The following TSC22D1 variants were observed in gnomAD, a reference collection of about 807,000 sequenced individuals.
TSC22D1 encodes TSC22 domain family protein 1.
A neutral mutation model predicts 74.2 loss-of-function variants in TSC22D1; 9 were observed. That is an observed-to-expected ratio of 0.12 (90% CI 0.07 to 0.21). TSC22D1 has a LOEUF of 0.21. TSC22D1 is among the 10% of genes least tolerant of loss of function. The pLI, the probability that TSC22D1 is intolerant of heterozygous loss-of-function variation, is 1.00. For missense variants in TSC22D1, 1,427 were observed against 1,304.7 expected (o/e 1.09, Z -1.44); for synonymous variants, 586 against 492.5 (o/e 1.19, Z -2.51).
At chr13:44,504,809 T>A (rs1879373372) in intron 1 of TSC22D1, among the ~76,000 whole-genome samples, 1 of 152,178 alleles carries the variant, frequency 6.6e-6, no homozygotes, top group African/African-American at 2.4e-5. Flanking sequence ...CAAATTTTAA[T>A]CCTGGACATC....
At chr13:44,503,733 G>A (rs914526300) in intron 1 of TSC22D1, among the ~76,000 whole-genome samples, 1 of 152,158 alleles carries the variant, frequency 6.6e-6, no homozygotes, top group East Asian at 1.9e-4. Flanking sequence ...AAGTTGATGA[G>A]TAGGTCATTT....
At chr13:44,440,792 G>T (rs1245045955) in intron 1 of TSC22D1, among the ~76,000 whole-genome samples, 1 of 151,976 alleles carries the variant, frequency 6.6e-6, no homozygotes. Flanking sequence ...AAATGAAAAA[G>T]CCCTCCACCA....
chr13:44,527,977 C>A (rs1056125047), intron 1 of TSC22D1, among the ~76,000 whole-genome samples: 1 of 151,960 alleles, frequency 6.6e-6, no homozygotes, highest in African/African-American at 2.4e-5. Context: ...GATAAAGGGG[C>A]CAATACTCCA....
At chr13:44,444,304 A>AAAAG (rs1875451465) in intron 1 of TSC22D1, among the ~76,000 whole-genome samples, 4 of 140,930 alleles carry the variant, frequency 2.8e-5, no homozygotes, top group African/African-American at 8.0e-5. Flanking sequence ...AAAAAAAAAA[A>AAAAG]AAAAGAAAAG....
chr13:44,511,540 T>C (rs1434954327), intron 1 of TSC22D1, among the ~76,000 whole-genome samples: 2 of 151,982 alleles, frequency 1.3e-5, no homozygotes, highest in Non-Finnish European at 1.5e-5. Context: ...ATATAACTAA[T>C]TGACATATAG....
Position 44,574,554 on chromosome 13 carries a change from CTGTTGT to C in TSC22D1, c.1515_1520del (p.Gln508_Gln509del), listed in dbSNP as rs541782956. On this transcript the variant is annotated inframe_deletion, in exon 1 of 3. Coordinates refer to ENST00000458659, the MANE Select transcript of TSC22D1 (RefSeq NM_183422.4). ...TCACACCTTGGAGAGCTGGTTGTTG[CTGTTGT>C]TGTTGTTGTTGCTGCTGCTGCTGCT... 2.5e-5 allele frequency: 41 copies of C among 1,613,916 alleles called. No individual in the cohort carries two copies. Among genetic ancestry groups the C allele is most frequent in the African/African-American group, 2.0e-4 (15 of 74,950 alleles).
chr13:44,555,437 C>G (rs1005113387), intron 1 of TSC22D1, among the ~76,000 whole-genome samples: 5 of 152,016 alleles, frequency 3.3e-5, no homozygotes, highest in Non-Finnish European at 5.9e-5. Flanking sequence ...TGAACTCTGT[C>G]TCTACTAAAA....
intron 1 of TSC22D1, among the ~76,000 whole-genome samples, chr13:44,544,300 C>T (rs528417664): frequency 5.3e-5 from 8 of 151,188 alleles, no homozygotes; most frequent in Non-Finnish European, 1.2e-4. Context: ...CCAGATACTG[C>T]CAGAATATCC....
At chr13:44,517,873 T>TTTTTTTTTTTTTTTTTTTTC (rs1161219206) in intron 1 of TSC22D1, among the ~76,000 whole-genome samples, 1 of 109,430 alleles carries the variant, frequency 9.1e-6, no homozygotes, top group Non-Finnish European at 1.9e-5. Flanking sequence ...TTTTTTTTTT[T>TTTTTTTTTTTTTTTTTTTTC]TTTTTTAACA....
intron 1 of TSC22D1, among the ~76,000 whole-genome samples, chr13:44,540,193 C>A (rs1393204200): frequency 6.6e-6 from 1 of 151,964 alleles, no homozygotes; most frequent in Non-Finnish European, 1.5e-5. Flanking sequence ...AAGACCAAAT[C>A]AAAAATGATA....
At chr13:44,456,272 G>T (rs183871828) in intron 1 of TSC22D1, among the ~76,000 whole-genome samples, 1 of 152,210 alleles carries the variant, frequency 6.6e-6, no homozygotes, top group African/African-American at 2.4e-5. Flanking sequence ...GCTGCTGGCT[G>T]GAGTAGCCAG....
intron 1 of TSC22D1, among the ~76,000 whole-genome samples, chr13:44,511,968 C>T (rs1157829355): frequency 6.6e-6 from 1 of 152,112 alleles, no homozygotes; most frequent in East Asian, 1.9e-4. Context: ...TACCTTCAAC[C>T]TTCTGCTTTT....
chr13:44,451,854 C>T (rs1404604254), intron 1 of TSC22D1, among the ~76,000 whole-genome samples: 1 of 152,202 alleles, frequency 6.6e-6, no homozygotes, highest in Non-Finnish European at 1.5e-5. Flanking sequence ...ATGCCCGTAT[C>T]TATCCCACCG....
At chr13:44,565,875 A>G (rs1326395392) in intron 1 of TSC22D1, among the ~76,000 whole-genome samples, 2 of 152,224 alleles carry the variant, frequency 1.3e-5, no homozygotes, top group African/African-American at 4.8e-5. Flanking sequence ...TAAAATTTAC[A>G]TGTTTTGTAT....
intron 1 of TSC22D1, among the ~76,000 whole-genome samples, chr13:44,520,103 A>T (rs1250679778): frequency 6.6e-5 from 10 of 152,212 alleles, no homozygotes; most frequent in Non-Finnish European, 2.9e-5. Flanking sequence ...CAGTGTTATA[A>T]ACACGAGTCA....
rs185002529 is a variant in TSC22D1, at chr13:44,507,882, C to A, written c.2912+65281G>T. Among the ~76,000 whole-genome samples the A allele has an allele frequency of 1.5e-3, 234 of 152,258 alleles. 3 individuals are homozygous for A. The highest frequency in any genetic ancestry group is 5.2e-3 in the African/African-American group (217 of 41,544). ...CCACAGGGGAAGATATAAGGCACTA[C>A]GACAGCACAAAGAGGGATCCTTCCT... On this transcript the variant is annotated intron_variant, in intron 1 of 2. Coordinates refer to ENST00000458659, the MANE Select transcript of TSC22D1 (RefSeq NM_183422.4).
At chr13:44,546,427 G>C (rs895096748) in intron 1 of TSC22D1, among the ~76,000 whole-genome samples, 10 of 152,186 alleles carry the variant, frequency 6.6e-5, no homozygotes, top group African/African-American at 2.2e-4. Context: ...CATCACTTCT[G>C]TCATATCCTT....
At chr13:44,511,840 G>A (rs1879737429) in intron 1 of TSC22D1, among the ~76,000 whole-genome samples, 3 of 152,172 alleles carry the variant, frequency 2.0e-5, no homozygotes, top group South Asian at 4.1e-4. Flanking sequence ...AGGAGGGCCT[G>A]ATTATATTTG....
intron 1 of TSC22D1, among the ~76,000 whole-genome samples, chr13:44,444,647 T>A (rs1272501629): frequency 2.0e-5 from 3 of 151,892 alleles, no homozygotes; most frequent in African/African-American, 7.3e-5. Context: ...AAATTAGAAA[T>A]CAATAACATG....
Sources: allele counts gnomAD v4.1 joint callset (sites outside exome capture counted in the v4.1 genomes callset), GRCh38; gene constraint gnomAD v4.1.1; transcripts MANE v1.5; gene names NCBI Gene and HGNC (gene_info 2026-07-23, HGNC 2026-07-21).